VPS18: variants seen among roughly 807,000 people sequenced by gnomAD.
The protein encoded by VPS18 is vacuolar protein sorting-associated protein 18 homolog.
A neutral mutation model predicts 82.0 loss-of-function variants in VPS18; 25 were observed. The observed-to-expected ratio is 0.30, with a 90% confidence interval of 0.22 to 0.43. The LOEUF is 0.43. Among genes scored for constraint, VPS18 ranks in the 20% least tolerant of loss-of-function variants. VPS18 has a pLI of 1.00. For synonymous variants in VPS18, 523 were observed against 543.0 expected (o/e 0.96, Z 0.51); for missense variants, 1,168 against 1,311.1 (o/e 0.89, Z 1.69).
At chr15:40,901,911 GA>G (rs896669306) in intron 4 of VPS18, among the ~76,000 whole-genome samples, 20 of 151,874 alleles carry the variant, frequency 1.3e-4, no homozygotes, top group Non-Finnish European at 1.9e-4. Context: ...GTTTCAAAAA[GA>G]AAAAAAGAAA....
intron 1 of VPS18, 27 bp downstream of exon 1, chr15:40,894,886 C>T (rs776343521): frequency 2.5e-5 from 39 of 1,541,912 alleles, no homozygotes; most frequent in Middle Eastern, 1.7e-4. Context: ...TGCCGCTGCC[C>T]CTTTCGGCTC....
At chr15:40,901,209 T>C (rs1291352601) in intron 4 of VPS18, among the ~76,000 whole-genome samples, 195 bp downstream of exon 4, 1 of 152,240 alleles carries the variant, frequency 6.6e-6, no homozygotes, top group Non-Finnish European at 1.5e-5. Context: ...CTTGGGTTAG[T>C]TTCTGAACCT....
chr15:40,903,622 CCCCT>C lies in VPS18; in HGVS notation c.*282_*285del. ...AGTCAGAAATCTGACCCAATTCCAC[CCCCT>C]GCCTCTAGCACCTCTTCTGTCCCTG... On this transcript the variant is annotated 3_prime_UTR_variant, in exon 5 of 5. Transcript: ENST00000220509. The C allele has an allele frequency of 2.9e-6, 1 of 348,244 alleles. No individual in the cohort carries two copies. The highest frequency in any genetic ancestry group is 5.2e-6 in the Non-Finnish European group (1 of 192,050). The allele number at this position is 348,244 out of a possible 1,614,324, so 21.6% of individuals were successfully genotyped here.
Position 40,899,802 on chromosome 15 carries a change from C to G in VPS18, c.984C>G (p.Ile328Met). 1 of 1,611,240 alleles carries G rather than the reference C, an allele frequency of 6.2e-7. No individual in the cohort carries two copies. The highest frequency in any genetic ancestry group is 8.5e-7 in the Non-Finnish European group (1 of 1,180,004). ...VGPGASPPLA[I>M]VLTQFHFLLL... ...CTGGGGCCAGCCCACCCCTAGCCAT[C>G]GTCTTGACCCAGTTCCACTTCCTGC... Residue 328 changes from isoleucine to methionine, a missense_variant, in exon 4 of 5, where the codon ATC (isoleucine) becomes ATG (methionine). By Grantham distance (10) the Ile-to-Met change is conservative. Around this residue, in one of 3 missense-constraint regions of VPS18, gnomAD observed 868 missense variants for 939.8 expected, o/e 0.92. Transcript: ENST00000220509. The surrounding 1 kb of genome is among the most constrained non-coding windows in gnomAD (Gnocchi z 4.4).
rs897129939 is a variant in VPS18 at position 40,902,447 on chromosome 15, C to T, written c.2197-169C>T. On this transcript the variant is annotated intron_variant, in intron 4 of 4. Coordinates refer to ENST00000220509, the MANE Select transcript of VPS18 (RefSeq NM_020857.3). The surrounding 1 kb of genome is among the most constrained non-coding windows in gnomAD (Gnocchi z 4.2). ...ATTTCTAACTTCACTAAAATTGGAG[C>T]CCTACTACTCTAAGTAGCTTTTACA... is the stretch of plus-strand genomic sequence containing the variant. Among the ~76,000 whole-genome samples, 10 of 152,224 alleles carry T rather than the reference C, an allele frequency of 6.6e-5. No individual in the cohort carries two copies. Among genetic ancestry groups the T allele is most frequent in the Non-Finnish European group, 1.5e-4 (10 of 68,040 alleles).
In VPS18 at chr15:40,902,540, C is replaced by G. The variant is rs139161590; in HGVS notation, c.2197-76C>G. 2.0e-6 allele frequency: 3 copies of G among 1,522,120 alleles called. No homozygotes were observed. The highest frequency in any genetic ancestry group is 2.3e-5 in the East Asian group (1 of 43,928). 94.3% of individuals were successfully genotyped at this position (1,522,120 alleles called of 1,614,324 possible). On this transcript the variant is annotated intron_variant, in intron 4 of 4. Transcript: ENST00000220509. This position sits in a 1 kb window ranked among gnomAD's most constrained non-coding sequence, Gnocchi z 4.2. Reference sequence around the variant, plus strand: ...GGAATCCTGCCTCGGGGCCTCTCCTCGGCCATCTCTCTCTCCCATAGTCTC... The same window carrying G: ...GGAATCCTGCCTCGGGGCCTCTCCTGGGCCATCTCTCTCTCCCATAGTCTC...
At position 40,899,531 on chromosome 15, in the gene VPS18, G is replaced by A. The variant is rs746387274; in HGVS notation, c.713G>A (p.Gly238Glu). The A allele has an allele frequency of 6.2e-7, 1 of 1,609,942 alleles. No individual in the cohort carries two copies. Among genetic ancestry groups the A allele is most frequent in the Non-Finnish European group, 8.5e-7 (1 of 1,180,020 alleles). The stretch of plus-strand genomic sequence containing the variant: ...CAGTTCATAGGCCGAGCAGCAGAGG[G>A]GGCTGAGGCCCAGGGTTTCTCAGGG... Reference protein sequence around the residue: ...LFQFIGRAAEGAEAQGFSGLF... With the variant: ...LFQFIGRAAEEAEAQGFSGLF... Residue 238 changes from glycine to glutamate, a missense_variant, in exon 4 of 5, where the codon GGG becomes GAG. Physicochemically the swap from Gly to Glu is moderately conservative, Grantham distance 98. Coordinates refer to ENST00000220509, the MANE Select transcript of VPS18 (RefSeq NM_020857.3). This position sits in a 1 kb window ranked among gnomAD's most constrained non-coding sequence, Gnocchi z 4.4.
intron 2 of VPS18, 80 bp downstream of exon 2, chr15:40,896,159 A>G (rs1892226598): frequency 3.2e-6 from 5 of 1,567,570 alleles, no homozygotes; most frequent in South Asian, 1.2e-5. Flanking sequence ...CCTTTCTTCT[A>G]TTCCAGGCAA....
rs1596179902 is a variant in VPS18 at position 40,902,740 on chromosome 15, T to C, written c.2321T>C (p.Met774Thr). Residue 774 changes from methionine (M) to threonine (T), a missense_variant, in exon 5 of 5, where the codon ATG becomes ACG. Physicochemically the swap from Met to Thr is moderately conservative, Grantham distance 81. This residue lies in a region of VPS18 where 296 missense variants were observed against 354.0 expected (regional missense o/e 0.84). Coordinates refer to ENST00000220509, the MANE Select transcript of VPS18 (RefSeq NM_020857.3). The surrounding 1 kb of genome is among the most constrained non-coding windows in gnomAD (Gnocchi z 4.2). Reference sequence around the variant, plus strand: ...GAAGAGGAAGATGTACAGACAGCCATGGCTTGCCTGGCTAGCTGCCCCTTG... The same window carrying C: ...GAAGAGGAAGATGTACAGACAGCCACGGCTTGCCTGGCTAGCTGCCCCTTG... ...VQEEEDVQTA[M>T]ACLASCPLLK... 2.5e-6 allele frequency: 4 copies of C among 1,614,278 alleles called. No individual in the cohort carries two copies. Among genetic ancestry groups the C allele is most frequent in the Non-Finnish European group, 3.4e-6 (4 of 1,180,044 alleles).
Position 40,894,534 on chromosome 15 carries a change from A to T in VPS18, c.-235A>T. On this transcript the variant is annotated 5_prime_UTR_variant, in exon 1 of 5. Coordinates refer to ENST00000220509, the MANE Select transcript of VPS18 (RefSeq NM_020857.3). The stretch of plus-strand genomic sequence containing the variant: ...TGATTTTTTTGTAGCGGGGGCGGGG[A>T]GTAAGGTGCAAGACTGCGCCAGATT... 3 of 400,524 alleles carry T rather than the reference A, an allele frequency of 7.5e-6. No homozygotes were observed. Among genetic ancestry groups the T allele is most frequent in the Non-Finnish European group, 1.3e-5 (3 of 225,088 alleles). The allele number at this position is 400,524 out of a possible 1,614,324, so 24.8% of individuals were successfully genotyped here. A position where few individuals can be genotyped will look rare whatever the true frequency, so the allele number is the denominator to read the frequency against.
intron 2 of VPS18, 68 bp from the exon 3 acceptor site, chr15:40,898,839 T>C (rs1167659072): frequency 1.6e-5 from 24 of 1,463,352 alleles, no homozygotes; most frequent in Non-Finnish European, 2.2e-5. Context: ...ATCAGATTAT[T>C]AAAGAAGATC....
rs1183238801 is a variant in VPS18, at chr15:40,900,796, G to A, written c.1978G>A (p.Glu660Lys). The stretch of plus-strand genomic sequence containing the variant: ...CTGCGTGAACGTGCTGGGGGAGACT[G>A]AGCAGGCCATCCACAACTACCTGCT... ...EFCVNVLGET[E>K]QAIHNYLLSL... The change falls in exon 4 of 5, where the codon GAG (glutamate) becomes AAG (lysine). Residue 660 changes from glutamate to lysine, a missense_variant. By Grantham distance (56) the Glu-to-Lys change is moderately conservative. Transcript: ENST00000220509. This position sits in a 1 kb window ranked among gnomAD's most constrained non-coding sequence, Gnocchi z 5.4. 6.2e-7 allele frequency: 1 copy of A among 1,614,064 alleles called. No homozygotes were observed. The highest frequency in any genetic ancestry group is 8.5e-7 in the Non-Finnish European group (1 of 1,180,044).
In VPS18 at chr15:40,895,967, G is replaced by C; in HGVS notation, c.121G>C (p.Val41Leu). The C allele has an allele frequency of 1.9e-6, 3 of 1,614,176 alleles. No homozygotes were observed. Among genetic ancestry groups the C allele is most frequent in the Non-Finnish European group, 2.5e-6 (3 of 1,180,042 alleles). The change falls in exon 2 of 5, where the codon GTG becomes CTG. Residue 41 changes from valine to leucine, a missense_variant. Coordinates refer to ENST00000220509, the MANE Select transcript of VPS18 (RefSeq NM_020857.3). Reference protein sequence around the residue: ...GYVNAQLEKEVPIFTKQRIDF... With the variant: ...GYVNAQLEKELPIFTKQRIDF... Reference sequence around the variant, plus strand: ...TGTGAATGCCCAGCTGGAGAAGGAAGTGCCCATCTTCACAAAGCAGCGCAT... The same window carrying C: ...TGTGAATGCCCAGCTGGAGAAGGAACTGCCCATCTTCACAAAGCAGCGCAT...
At position 40,903,145 on chromosome 15, in the gene VPS18, C is replaced by T. The variant is rs1892392687; in HGVS notation, c.2726C>T (p.Ala909Val). 2 of 1,607,660 alleles carry T rather than the reference C, an allele frequency of 1.2e-6. No homozygotes were observed. Among genetic ancestry groups the T allele is most frequent in the Admixed American group, 3.4e-5 (2 of 58,802 alleles). ...AAGCTGGGGGCTGCTCCACCCCCAG[C>T]CAAGGGCTCTGCCCGGGCCAAGGAG... Reference protein sequence around the residue: ...QRKLGAAPPPAKGSARAKEAE... With the variant: ...QRKLGAAPPPVKGSARAKEAE... Residue 909 changes from alanine to valine, a missense_variant, in exon 5 of 5, where the codon GCC becomes GTC. Ala to Val is a moderately conservative substitution (Grantham distance 64). Transcript: ENST00000220509.
intron 2 of VPS18, among the ~76,000 whole-genome samples, 183 bp downstream of exon 2, chr15:40,896,262 G>A (rs1892227603): frequency 6.6e-6 from 1 of 152,174 alleles, no homozygotes; most frequent in Admixed American, 6.5e-5. Flanking sequence ...GGCCTGGCAG[G>A]GCATGGTGGC....
chr15:40,903,680 C>CGAGAGA lies in VPS18; in HGVS notation c.*353_*358dup, dbSNP rs59742241. ...TTCCCCACACACGTCCTGTTCACCT[C>CGAGAGA]GAGAGAGAGAGAGAGAGAGCACCTT... On this transcript the variant is annotated 3_prime_UTR_variant, in exon 5 of 5. Transcript: ENST00000220509. 4 of 199,060 alleles carry CGAGAGA rather than the reference C, an allele frequency of 2.0e-5. No individual in the cohort carries two copies. Among genetic ancestry groups the CGAGAGA allele is most frequent in the Non-Finnish European group, 4.0e-5 (4 of 100,000 alleles). The allele number at this position is 199,060 out of a possible 1,614,324, so 12.3% of individuals were successfully genotyped here. A position where few individuals can be genotyped will look rare whatever the true frequency, so the allele number is the denominator to read the frequency against.
chr15:40,896,784 C>T (rs1225218327), intron 2 of VPS18, among the ~76,000 whole-genome samples: 2 of 148,732 alleles, frequency 1.3e-5, no homozygotes, highest in East Asian at 3.9e-4. Context: ...GAACTCCAGC[C>T]CAGGCGACAA....
rs199652896 is a variant in VPS18, at chr15:40,900,321, C to T, written c.1503C>T (p.Ser501=). 19 of 1,613,760 alleles carry T rather than the reference C, an allele frequency of 1.2e-5. No individual in the cohort carries two copies. The African/African-American group carries it at 2.4e-4, about 20-fold the overall frequency. Residue 501 remains serine, a synonymous_variant, in exon 4 of 5, where the codon AGC becomes AGT. Transcript: ENST00000220509. This position sits in a 1 kb window ranked among gnomAD's most constrained non-coding sequence, Gnocchi z 5.4. ...CCTGGCTGACAGAGCTCTACCTGAG[C>T]CGGCTTGGGGCTCTGCAGGGCGACC... ...LTTWLTELYL[S]RLGALQGDPE... is the part of the protein sequence containing the mutation.
At chr15:40,897,419 T>G (rs1288621378) in intron 2 of VPS18, among the ~76,000 whole-genome samples, 1 of 152,134 alleles carries the variant, frequency 6.6e-6, no homozygotes, top group African/African-American at 2.4e-5. Flanking sequence ...AATTTACAAA[T>G]TAAGACACAT....
Sources: allele counts gnomAD v4.1 joint callset (sites outside exome capture counted in the v4.1 genomes callset), GRCh38; gene constraint gnomAD v4.1.1; regional missense constraint gnomAD v4.1.1; non-coding constraint Gnocchi (gnomAD v3.1); transcripts MANE v1.5; gene names NCBI Gene and HGNC (gene_info 2026-07-23, HGNC 2026-07-21).